HABP2: variants seen among roughly 807,000 people sequenced by gnomAD.
HABP2 encodes the protein factor VII-activating protease.
HABP2 carries 65 observed loss-of-function variants against 66.5 expected under a neutral mutation model. The observed-to-expected ratio is 0.98, with a 90% CI of 0.80 to 1.20. The LOEUF (loss-of-function observed/expected upper bound fraction) is 1.20. Ranked by LOEUF, HABP2 falls within the 50% of genes most tolerant of loss-of-function variation. The pLI is 0.00. For missense variants in HABP2, 786 were observed against 691.0 expected (o/e 1.14, Z -1.54); for synonymous variants, 263 against 253.9 (o/e 1.04, Z -0.34).
Position 113,589,486 on chromosome 10 carries a change from T to C in HABP2, c.*1117T>C. The C allele has an allele frequency of 1.5e-6, 1 of 686,446 alleles. No individual in the cohort carries two copies. The highest frequency in any genetic ancestry group is 2.7e-5 in the East Asian group (1 of 36,816). The allele number at this position is 686,446 out of a possible 1,614,324, so 42.5% of individuals were successfully genotyped here. A position where few individuals can be genotyped will look rare whatever the true frequency, so the allele number is the denominator to read the frequency against. ...AGAAAGCCCTGCAGGAAGTTTAACC[T>C]GCGTGTCATCTGCCTGGTCATCTCA... is the stretch of plus-strand genomic sequence containing the variant. On this transcript the variant is annotated 3_prime_UTR_variant, in exon 13 of 13. Coordinates refer to ENST00000351270, the MANE Select transcript of HABP2 (RefSeq NM_004132.5).
rs1224220951 is a variant in HABP2, at chr10:113,589,251, T to A, written c.*882T>A. On this transcript the variant is annotated 3_prime_UTR_variant, in exon 13 of 13. Transcript: ENST00000351270. ...AGAAAAAGGGCCTTCAAGGCAGGAA[T>A]GAGAAAGCAAAGCCAATCTCTCATT... 3.3e-6 allele frequency: 2 copies of A among 603,374 alleles called. No homozygotes were observed. The highest frequency in any genetic ancestry group is 6.2e-5 in the Admixed American group (2 of 32,370). The allele number at this position is 603,374 out of a possible 1,614,324, so 37.4% of individuals were successfully genotyped here.
intron 2 of HABP2, among the ~76,000 whole-genome samples, chr10:113,567,955 C>G (rs1845231240): frequency 6.6e-6 from 1 of 152,228 alleles, no homozygotes; most frequent in Admixed American, 6.5e-5. Flanking sequence ...TCCGGGCTGA[C>G]CTGCCCTGGT....
In HABP2 at chr10:113,580,589, T is replaced by G. The variant is rs1318223174; in HGVS notation, c.741-6T>G. The G allele has an allele frequency of 6.7e-7, 1 of 1,493,302 alleles. No homozygotes were observed. Among genetic ancestry groups the G allele is most frequent in the African/African-American group, 1.4e-5 (1 of 72,720 alleles). The allele number at this position is 1,493,302 out of a possible 1,614,324, so 92.5% of individuals were successfully genotyped here. A position where few individuals can be genotyped will look rare whatever the true frequency, so the allele number is the denominator to read the frequency against. On this transcript the variant is annotated splice_region_variant and splice_polypyrimidine_tract_variant and intron_variant, in intron 7 of 12. Coordinates refer to ENST00000351270, the MANE Select transcript of HABP2 (RefSeq NM_004132.5). ...TGACTCTGAGTTGTTTTGTTTTGTA[T>G]TTTAGAAACCCAGATGCGGACGAAA...
At position 113,581,903 on chromosome 10, in the gene HABP2, C is replaced by G. The variant is rs369959971; in HGVS notation, c.866C>G (p.Thr289Ser). The G allele has an allele frequency of 4.2e-5, 68 of 1,614,022 alleles. No homozygotes were observed. Among genetic ancestry groups the G allele is most frequent in the Non-Finnish European group, 5.6e-5 (66 of 1,179,962 alleles). Residue 289 changes from threonine to serine, a missense_variant, in exon 9 of 13, where the codon ACT becomes AGT. Thr to Ser is a moderately conservative substitution (Grantham distance 58). Transcript: ENST00000351270. ...GTTGCCTACCCAGAGGAAAGCCCCA[C>G]TGAGCCATCAACCAAGCTTCCGGGG... is the stretch of plus-strand genomic sequence containing the variant. Reference protein sequence around the residue: ...QDVAYPEESPTEPSTKLPGFD... With the variant: ...QDVAYPEESPSEPSTKLPGFD...
Position 113,589,381 on chromosome 10 carries a change from C to T in HABP2, c.*1012C>T, listed in dbSNP as rs1438399943. 2 of 572,044 alleles carry T rather than the reference C, an allele frequency of 3.5e-6. No individual in the cohort carries two copies. The highest frequency in any genetic ancestry group is 3.1e-6 in the Non-Finnish European group (1 of 323,632). 35.4% of individuals were successfully genotyped at this position (572,044 alleles called of 1,614,324 possible). Reference sequence around the variant, plus strand: ...GCGAATGTAACGAGCAAGCAGTCAGCACAGCCTGGGCTGCCCTGGCCCGGG... The same window carrying T: ...GCGAATGTAACGAGCAAGCAGTCAGTACAGCCTGGGCTGCCCTGGCCCGGG... On this transcript the variant is annotated 3_prime_UTR_variant, in exon 13 of 13. Coordinates refer to ENST00000351270, the MANE Select transcript of HABP2 (RefSeq NM_004132.5).
intron 5 of HABP2, among the ~76,000 whole-genome samples, 195 bp from the exon 6 acceptor site, chr10:113,577,831 C>T (rs1565104355): frequency 6.6e-6 from 1 of 152,228 alleles, no homozygotes; most frequent in Non-Finnish European, 1.5e-5. Context: ...ATTGCTTCAT[C>T]CACATTTGCT....
At chr10:113,560,022 G>C (rs536532595) in intron 1 of HABP2, among the ~76,000 whole-genome samples, 26 of 152,316 alleles carry the variant, frequency 1.7e-4, no homozygotes, top group African/African-American at 6.0e-4. Context: ...TGAAGGGTCT[G>C]AGCCAGTTCC....
chr10:113,574,189 A>G (rs1355587543), intron 2 of HABP2, 100 bp from the exon 3 acceptor site: 3 of 694,054 alleles, frequency 4.3e-6, no homozygotes, highest in Non-Finnish European at 7.9e-6. Context: ...CTCCTGCAGG[A>G]CTTTGAATTC....
Position 113,580,646 on chromosome 10 carries a change from C to A in HABP2, c.792C>A (p.Asp264Glu). Residue 264 changes from aspartate (D) to glutamate (E), a missense_variant, in exon 8 of 13, where the codon GAC becomes GAA. By Grantham distance (45) the Asp-to-Glu change is conservative (BLOSUM62 2). Transcript: ENST00000351270. ...GGTGCTTTATTAAAGTTACCAATGA[C>A]AAGGTGAAATGGGAATACTGTGATG... is the stretch of plus-strand genomic sequence containing the variant. ...KPWCFIKVTN[D>E]KVKWEYCDVS... 1 of 1,605,062 alleles carries A rather than the reference C, an allele frequency of 6.2e-7. No homozygotes were observed. Among genetic ancestry groups the A allele is most frequent in the African/African-American group, 1.3e-5 (1 of 74,812 alleles).
In HABP2 at chr10:113,588,229, T is replaced by C. The variant is rs747963984; in HGVS notation, c.1543T>C (p.Cys515Arg). ...GGGTGACTCTGGAGGCCCCCTGACCTGTGAGAAGGACGGCACCTACTACGT... is the reference window on the plus strand; with the variant it reads ...GGGTGACTCTGGAGGCCCCCTGACCCGTGAGAAGGACGGCACCTACTACGT... Reference protein sequence around the residue: ...CQGDSGGPLTCEKDGTYYVYG... With the variant: ...CQGDSGGPLTREKDGTYYVYG... The change falls in exon 13 of 13, where the codon TGT becomes CGT. Residue 515 changes from cysteine (C) to arginine (R), a missense_variant. Physicochemically the swap from Cys to Arg is radical, Grantham distance 180. Coordinates refer to ENST00000351270, the MANE Select transcript of HABP2 (RefSeq NM_004132.5). 6.8e-6 allele frequency: 11 copies of C among 1,611,426 alleles called. No individual in the cohort carries two copies. Among genetic ancestry groups the C allele is most frequent in the Non-Finnish European group, 9.3e-6 (11 of 1,178,806 alleles).
rs755080087 is a variant in HABP2 at position 113,578,766 on chromosome 10, A to C, written c.708A>C (p.Glu236Asp). The change falls in exon 7 of 13, where the codon GAA (glutamate) becomes GAC (aspartate). Residue 236 changes from glutamate to aspartate, a missense_variant. Physicochemically the swap from Glu to Asp is conservative, Grantham distance 45. Coordinates refer to ENST00000351270, the MANE Select transcript of HABP2 (RefSeq NM_004132.5). ...ACAACATGTTTATGGAGGATGCTGA[A>C]ACCCATGGGATTGGGGAACACAATT... ...ENYNMFMEDA[E>D]THGIGEHNFC... 3.1e-6 allele frequency: 5 copies of C among 1,612,596 alleles called. No individual in the cohort carries two copies. In the Admixed American group the frequency reaches 8.3e-5, roughly 27 times the overall value.
chr10:113,577,341 C>T (rs1845430423), intron 5 of HABP2, 75 bp downstream of exon 5: 2 of 789,458 alleles, frequency 2.5e-6, no homozygotes, highest in African/African-American at 1.7e-5. Context: ...GCATGGAAGG[C>T]CAGATGCATC....
chr10:113,578,263 G>A (rs1845450617), intron 6 of HABP2, 118 bp downstream of exon 6: 2 of 1,112,970 alleles, frequency 1.8e-6, no homozygotes, highest in African/African-American at 1.5e-5. Flanking sequence ...TATTGCCTCA[G>A]CCTTCTCACC....
chr10:113,570,306 A>T (rs1845281837), intron 2 of HABP2: 1 of 152,242 alleles, frequency 6.6e-6, no homozygotes, highest in Non-Finnish European at 1.5e-5. Context: ...GATACATAGA[A>T]AATACTCAAC....
At chr10:113,571,859 A>T (rs911707) in intron 2 of HABP2, among the ~76,000 whole-genome samples, 2 of 152,154 alleles carry the variant, frequency 1.3e-5, no homozygotes, top group Non-Finnish European at 2.9e-5. Context: ...TGCCATCCTG[A>T]ACCTGGCATA....
At chr10:113,556,360 G>C (rs1844991532) in intron 1 of HABP2, among the ~76,000 whole-genome samples, 1 of 152,142 alleles carries the variant, frequency 6.6e-6, no homozygotes, top group African/African-American at 2.4e-5. Context: ...CATTTGAGTA[G>C]CATTGGGTTC....
intron 2 of HABP2, among the ~76,000 whole-genome samples, chr10:113,572,941 A>C (rs1267564728): frequency 6.6e-6 from 1 of 152,236 alleles, no homozygotes; most frequent in African/African-American, 2.4e-5. Flanking sequence ...CGATTTTTCA[A>C]AAGCCAGAGA....
intron 9 of HABP2, 43 bp downstream of exon 9, chr10:113,582,174 TG>T (rs753835220): frequency 4.0e-5 from 62 of 1,565,550 alleles, no homozygotes; most frequent in Non-Finnish European, 5.0e-5. Flanking sequence ...CTTGAGTGGC[TG>T]GGGGTGCTCT....
intron 1 of HABP2, among the ~76,000 whole-genome samples, chr10:113,561,179 A>G (rs1348397423): frequency 6.6e-6 from 1 of 152,186 alleles, no homozygotes; most frequent in Non-Finnish European, 1.5e-5. Context: ...ACTGATTTAC[A>G]GTGTAATCTT....
Sources: gnomAD v4.1 joint callset for allele counts (sites outside exome capture counted in the v4.1 genomes callset) on GRCh38, gnomAD v4.1.1 for gene constraint, MANE v1.5 for transcripts, NCBI Gene and HGNC (gene_info 2026-07-23, HGNC 2026-07-21) for gene names.